The following USB1 variants were observed in gnomAD, a reference collection of about 807,000 sequenced individuals.
USB1 encodes U6 snRNA biogenesis phosphodiesterase 1, also known as U6 snRNA phosphodiesterase 1.
Under a neutral mutation model 29.9 loss-of-function variants are expected in USB1, and 21 were observed. The observed-to-expected ratio is 0.70, with a 90% CI of 0.50 to 1.01. USB1 has a LOEUF of 1.01. USB1 is among the 50% of genes least tolerant of loss of function. The pLI, the probability that USB1 is intolerant of heterozygous loss-of-function variation, is 0.00. For missense variants in USB1, 330 were observed against 347.1 expected, an observed-to-expected ratio of 0.95 and a Z score of 0.39; for synonymous variants, 143 against 134.9, an observed-to-expected ratio of 1.06 and a Z score of -0.42.
chr16:58,013,759 G>T lies in USB1; in HGVS notation c.450-514G>T. 5.3e-6 allele frequency: 2 copies of T among 374,112 alleles called. No homozygotes were observed. Among genetic ancestry groups the T allele is most frequent in the Non-Finnish European group, 7.4e-6 (2 of 268,516 alleles). The allele number at this position is 374,112 out of a possible 1,614,324, so 23.2% of individuals were successfully genotyped here. A position where few individuals can be genotyped will look rare whatever the true frequency, so the allele number is the denominator to read the frequency against. ...AGCTTCACCATGCCTCTGTTTCTTT[G>T]TCTGTAAAATGGGCATAATTGTAGG... On this transcript the variant is annotated intron_variant, in intron 3 of 6. Coordinates refer to ENST00000219281, the MANE Select transcript of USB1 (RefSeq NM_024598.4). This position sits in a 1 kb window ranked among gnomAD's most constrained non-coding sequence, Gnocchi z 4.3.
At position 58,017,318 on chromosome 16, in the gene USB1, G is replaced by A. The variant is rs372229920; in HGVS notation, c.504-16G>A. On this transcript the variant is annotated splice_polypyrimidine_tract_variant and intron_variant, in intron 4 of 6. Coordinates refer to ENST00000219281, the MANE Select transcript of USB1 (RefSeq NM_024598.4). ...AGAGGCTACATCTCATGCCTGCGTT[G>A]TCTTCCTCTCCCCAGGACCTTTATT... The A allele has an allele frequency of 1.2e-6, 2 of 1,611,786 alleles. No individual in the cohort carries two copies. Among genetic ancestry groups the A allele is most frequent in the African/African-American group, 2.7e-5 (2 of 74,842 alleles).
chr16:58,019,257 C>T lies in USB1; in HGVS notation c.693+202C>T, dbSNP rs3743562. Among the ~76,000 whole-genome samples the T allele has an allele frequency of 0.8, 122,225 of 151,952 alleles. 49,993 individuals are homozygous for T. Among genetic ancestry groups the T allele is most frequent in the African/African-American group, 0.94 (38,749 of 41,432 alleles). ...AGTGTCACCTGAAGCTTATTAACAA[C>T]ACAGATCTTTGCCCCCACCCCCACC... On this transcript the variant is annotated intron_variant, in intron 6 of 6. Transcript: ENST00000219281.
intron 5 of USB1, among the ~76,000 whole-genome samples, chr16:58,018,571 C>T (rs947225757): frequency 5.3e-5 from 8 of 151,980 alleles, no homozygotes; most frequent in Non-Finnish European, 1.0e-4. Context: ...TATAGATGGC[C>T]GCCTTCACAT....
intron 3 of USB1, chr16:58,011,345 G>A (rs1963491293): frequency 7.5e-7 from 1 of 1,332,884 alleles, no homozygotes; most frequent in Non-Finnish European, 9.6e-7. Context: ...TTGGGTGAAG[G>A]GTTAGTACCA....
intron 6 of USB1, among the ~76,000 whole-genome samples, chr16:58,019,550 T>C (rs1228809469): frequency 7.9e-5 from 12 of 152,142 alleles, no homozygotes; most frequent in Admixed American, 7.9e-4. Context: ...TCTGCGCCCT[T>C]GGAGGAGAAC....
intron 4 of USB1, chr16:58,017,034 G>A (rs1032075568): frequency 7.1e-6 from 3 of 421,472 alleles, no homozygotes; most frequent in South Asian, 2.2e-5. Flanking sequence ...GAGAATGGGG[G>A]TGCAGAAGCT....
At chr16:58,012,807 C>A in intron 3 of USB1, 1 of 998,570 alleles carries the variant, frequency 1.0e-6, no homozygotes, top group Non-Finnish European at 1.2e-6. Flanking sequence ...ATGAACTGCA[C>A]CCCTCCAGGG....
intron 3 of USB1, chr16:58,011,228 T>G (rs1162140149): frequency 1.3e-6 from 2 of 1,484,072 alleles, no homozygotes; most frequent in Admixed American, 2.2e-5. Context: ...AACACATATG[T>G]TATCATTTCA....
intron 2 of USB1, among the ~76,000 whole-genome samples, chr16:58,008,013 T>A (rs1963402604): frequency 6.6e-6 from 1 of 152,202 alleles, no homozygotes; most frequent in Non-Finnish European, 1.5e-5. Context: ...TCAATTTGTT[T>A]AATAGATTTA....
At position 58,020,460 on chromosome 16, in the gene USB1, TCTCTC is replaced by T. The variant is rs1468023468; in HGVS notation, c.*220_*224del. ...TTCTTTCTCTCTCTTCTCCTCTCTT[TCTCTC>T]CTCTGTCTCTCTTCCTCTCCTCTCT... is the stretch of plus-strand genomic sequence containing the variant. On this transcript the variant is annotated 3_prime_UTR_variant, in exon 7 of 7. Transcript: ENST00000219281. The T allele has an allele frequency of 6.6e-6, 4 of 603,772 alleles. No homozygotes were observed. Among genetic ancestry groups the T allele is most frequent in the African/African-American group, 1.9e-5 (1 of 53,610 alleles). 37.4% of individuals were successfully genotyped at this position (603,772 alleles called of 1,614,324 possible). A position where few individuals can be genotyped will look rare whatever the true frequency, so the allele number is the denominator to read the frequency against.
At position 58,017,420 on chromosome 16, in the gene USB1, A is replaced by G. The variant is rs377411772; in HGVS notation, c.590A>G (p.Asn197Ser). The change falls in exon 5 of 7, where the codon AAC (asparagine) becomes AGC (serine). Residue 197 changes from asparagine to serine, a missense_variant. Transcript: ENST00000219281. ...SEVDRVMEEF[N>S]LTTFYQDPSF... ...GTGGACAGAGTCATGGAGGAATTCA[A>G]CCTCACCACTTTCTACCAGGTAATG... The G allele has an allele frequency of 4.8e-5, 78 of 1,613,972 alleles. No individual in the cohort carries two copies. The Admixed American group carries it at 6.2e-4, about 13-fold the overall frequency.
intron 2 of USB1, among the ~76,000 whole-genome samples, chr16:58,003,103 A>G (rs1963269296): frequency 6.6e-6 from 1 of 152,196 alleles, no homozygotes; most frequent in South Asian, 2.1e-4. Context: ...TAGACTTCTC[A>G]GAGCTTCAGT....
At chr16:58,005,137 A>C (rs1370097603) in intron 2 of USB1, among the ~76,000 whole-genome samples, 1 of 152,208 alleles carries the variant, frequency 6.6e-6, no homozygotes, top group Non-Finnish European at 1.5e-5. Flanking sequence ...GCTAGCTAAA[A>C]GGCAGAGCCA....
At chr16:58,000,849 CA>C (rs1963165028), upstream of USB1, among the ~76,000 whole-genome samples, 1 of 152,124 alleles carries the variant, frequency 6.6e-6, no homozygotes, top group Non-Finnish European at 1.5e-5. This position sits in a 1 kb window ranked among gnomAD's most constrained non-coding sequence, Gnocchi z 4.5. Context: ...TTCGAGTCGC[CA>C]GGCCTGGGCG....
chr16:58,014,516 C>T (rs986084115), intron 4 of USB1, among the ~76,000 whole-genome samples, 190 bp downstream of exon 4: 3 of 152,218 alleles, frequency 2.0e-5, no homozygotes, highest in African/African-American at 4.8e-5. Context: ...GGCACAGTAG[C>T]GCATGCCTGT....
rs1963707175 is a variant in USB1, at chr16:58,020,275, T to G, written c.*30T>G. On this transcript the variant is annotated 3_prime_UTR_variant, in exon 7 of 7. Transcript: ENST00000219281. ...CAGAGGCCTTCCTCCTCCAGGGCCC[T>G]CTGCAGACCAGGCTGAGATGGAGGA... is the stretch of plus-strand genomic sequence containing the variant. 1 of 1,604,122 alleles carries G rather than the reference T, an allele frequency of 6.2e-7. No homozygotes were observed. Among genetic ancestry groups the G allele is most frequent in the Non-Finnish European group, 8.5e-7 (1 of 1,171,204 alleles).
Position 58,001,458 on chromosome 16 carries a change from G to C in USB1, c.-26G>C, listed in dbSNP as rs201250414. 1.2e-4 allele frequency: 190 copies of C among 1,581,310 alleles called. No individual in the cohort carries two copies. The African/African-American group carries it at 1.9e-3, about 16-fold the overall frequency. ...GCCGGTTGAGGTTGCTGGTGGACCT[G>C]CTCTGGTGGTCTTGGATGAGGCCCC... On this transcript the variant is annotated 5_prime_UTR_variant, in exon 1 of 7. Coordinates refer to ENST00000219281, the MANE Select transcript of USB1 (RefSeq NM_024598.4).
At chr16:58,016,850 G>A (rs563068383) in intron 4 of USB1, 71 of 184,532 alleles carry the variant, frequency 3.8e-4, no homozygotes, top group African/African-American at 1.5e-3. Context: ...TTTTTGAGAA[G>A]TTTCACTGAG....
chr16:58,003,252 C>G (rs1278748391), intron 2 of USB1, among the ~76,000 whole-genome samples: 1 of 152,142 alleles, frequency 6.6e-6, no homozygotes, highest in Non-Finnish European at 1.5e-5. Context: ...GGTAGAAACC[C>G]TGTTTCTACC....
Sources: gnomAD v4.1 joint callset for allele counts (sites outside exome capture counted in the v4.1 genomes callset) on GRCh38, gnomAD v4.1.1 for gene constraint, Gnocchi (gnomAD v3.1) non-coding constraint, MANE v1.5 for transcripts, NCBI Gene and HGNC (gene_info 2026-07-23, HGNC 2026-07-21) for gene names.